ST6GALNAC5: variants seen among roughly 807,000 people sequenced by gnomAD.
The protein encoded by ST6GALNAC5 is ST6 N-acetylgalactosaminide alpha-2,6-sialyltransferase 5, also known as alpha-N-acetylgalactosaminide alpha-2,6-sialyltransferase 5.
A neutral mutation model predicts 33.6 loss-of-function variants in ST6GALNAC5; 27 were observed. The ratio of observed to expected loss-of-function variants is 0.80; its 90% CI spans 0.59 to 1.11. The LOEUF is 1.11. ST6GALNAC5 is among the 50% of genes least tolerant of loss of function. The pLI is 0.00. For missense variants in ST6GALNAC5, 428 were observed against 454.0 expected (o/e 0.94, Z 0.52); for synonymous variants, 194 against 171.2 (o/e 1.13, Z -1.04).
chr1:76,921,426 A>G (rs1188007945), intron 2 of ST6GALNAC5, among the ~76,000 whole-genome samples: 1 of 152,200 alleles, frequency 6.6e-6, no homozygotes, highest in African/African-American at 2.4e-5. Context: ...TGATTCTTAA[A>G]AACAGTCAGT....
At chr1:76,959,365 CTTT>C (rs982563133) in intron 2 of ST6GALNAC5, among the ~76,000 whole-genome samples, 7 of 152,146 alleles carry the variant, frequency 4.6e-5, no homozygotes, top group African/African-American at 1.7e-4. Context: ...CTTTTTCTCT[CTTT>C]TTGTGGTTTG....
intron 2 of ST6GALNAC5, among the ~76,000 whole-genome samples, chr1:76,874,378 A>T (rs1653578412): frequency 6.6e-6 from 1 of 152,152 alleles, no homozygotes. Context: ...GCTAAATCTC[A>T]TAATTCATTG....
intron 2 of ST6GALNAC5, among the ~76,000 whole-genome samples, chr1:76,916,465 A>C (rs1646976314): frequency 1.3e-5 from 2 of 152,050 alleles, no homozygotes; most frequent in South Asian, 4.1e-4. Flanking sequence ...TGATCAAAAA[A>C]TTTTCTCCTC....
intron 2 of ST6GALNAC5, among the ~76,000 whole-genome samples, chr1:76,877,045 T>C (rs1384835159): frequency 1.3e-5 from 2 of 152,222 alleles, no homozygotes; most frequent in African/African-American, 2.4e-5. Flanking sequence ...CAAAACCCGC[T>C]TTTTGGCTGG....
Position 76,978,519 on chromosome 1 carries a change from T to G in ST6GALNAC5, c.262-65685T>G, listed in dbSNP as rs374853852. Among the ~76,000 whole-genome samples, 22 of 152,252 alleles carry G rather than the reference T, an allele frequency of 1.4e-4. No homozygotes were observed. The East Asian group carries it at 3.7e-3, about 25-fold the overall frequency. ...TACATCACATTAACATAACCAAGAA[T>G]AAAAACTCTATGATCATTTTAATAG... is the stretch of plus-strand genomic sequence containing the variant. On this transcript the variant is annotated intron_variant, in intron 2 of 4. Coordinates refer to ENST00000477717, the MANE Select transcript of ST6GALNAC5 (RefSeq NM_030965.3).
At chr1:76,908,449 C>T (rs1646883993) in intron 2 of ST6GALNAC5, among the ~76,000 whole-genome samples, 1 of 152,184 alleles carries the variant, frequency 6.6e-6, no homozygotes, top group South Asian at 2.1e-4. Context: ...GGCCTCACCT[C>T]ATAACCTTAT....
chr1:77,051,861 T>A (rs556500975), intron 4 of ST6GALNAC5, among the ~76,000 whole-genome samples: 2 of 152,236 alleles, frequency 1.3e-5, no homozygotes, highest in Non-Finnish European at 1.5e-5. Context: ...AATTATGCAA[T>A]ATTGCCATTA....
At chr1:76,998,648 T>C (rs933101678) in intron 2 of ST6GALNAC5, among the ~76,000 whole-genome samples, 3 of 152,154 alleles carry the variant, frequency 2.0e-5, no homozygotes, top group African/African-American at 7.2e-5. Context: ...TTATTAGAAC[T>C]TACATTTTTT....
chr1:76,957,015 T>A (rs1450802722), intron 2 of ST6GALNAC5, among the ~76,000 whole-genome samples: 1 of 152,198 alleles, frequency 6.6e-6, no homozygotes, highest in Admixed American at 6.5e-5. Flanking sequence ...TTTACCCAAC[T>A]TGTAATTTTG....
At chr1:76,989,013 C>G (rs1333288355) in intron 2 of ST6GALNAC5, among the ~76,000 whole-genome samples, 1 of 152,092 alleles carries the variant, frequency 6.6e-6, no homozygotes, top group Non-Finnish European at 1.5e-5. Flanking sequence ...ATCTGGTATT[C>G]AGAGTTGCTG....
intron 2 of ST6GALNAC5, among the ~76,000 whole-genome samples, chr1:77,015,050 AACACACACACACACAC>A (rs5775372): frequency 8.2e-6 from 1 of 122,502 alleles, no homozygotes; most frequent in Admixed American, 7.8e-5. Flanking sequence ...CTCGCACACA[AACACACACACACACAC>A]ACACACACAC....
chr1:76,993,828 C>T (rs1221796882), intron 2 of ST6GALNAC5, among the ~76,000 whole-genome samples: 1 of 151,996 alleles, frequency 6.6e-6, no homozygotes, highest in Non-Finnish European at 1.5e-5. Context: ...AGCCATATTC[C>T]TTCTGTTTTC....
At chr1:76,882,329 A>G (rs528586013) in intron 2 of ST6GALNAC5, among the ~76,000 whole-genome samples, 1 of 152,186 alleles carries the variant, frequency 6.6e-6, no homozygotes, top group Non-Finnish European at 1.5e-5. Context: ...CAGAGCACTC[A>G]TTTAGCTGAA....
chr1:77,005,795 C>A (rs1018669911), intron 2 of ST6GALNAC5, among the ~76,000 whole-genome samples: 7 of 152,188 alleles, frequency 4.6e-5, no homozygotes, highest in Non-Finnish European at 7.3e-5. Flanking sequence ...TACATGAAAT[C>A]ATACAGCGTT....
At chr1:76,946,101 A>C (rs957222573) in intron 2 of ST6GALNAC5, among the ~76,000 whole-genome samples, 18 of 152,140 alleles carry the variant, frequency 1.2e-4, no homozygotes, top group African/African-American at 4.3e-4. Context: ...ACCTTGGCTA[A>C]ATTTTAGAGT....
At chr1:77,005,016 C>T (rs1650339259) in intron 2 of ST6GALNAC5, among the ~76,000 whole-genome samples, 1 of 150,828 alleles carries the variant, frequency 6.6e-6, no homozygotes, top group Admixed American at 6.6e-5. Flanking sequence ...GTGGTGGGCT[C>T]CACCCAGTTC....
chr1:76,897,864 A>G (rs186549798), intron 2 of ST6GALNAC5, among the ~76,000 whole-genome samples: 33 of 152,326 alleles, frequency 2.2e-4, no homozygotes, highest in African/African-American at 7.5e-4. Context: ...AATACCCACA[A>G]CAGTTATAGA....
chr1:76,933,159 G>A (rs925460997), intron 2 of ST6GALNAC5, among the ~76,000 whole-genome samples: 3 of 152,052 alleles, frequency 2.0e-5, no homozygotes, highest in Admixed American at 1.3e-4. Context: ...GAAATTTTGT[G>A]TCTAGGGAAA....
At chr1:77,060,756 G>T (rs991421770) in intron 4 of ST6GALNAC5, among the ~76,000 whole-genome samples, 1 of 152,036 alleles carries the variant, frequency 6.6e-6, no homozygotes, top group Non-Finnish European at 1.5e-5. Context: ...ATCTTTAGCT[G>T]GTTTCCAATT....
Sources: allele counts gnomAD v4.1 joint callset (sites outside exome capture counted in the v4.1 genomes callset), GRCh38; gene constraint gnomAD v4.1.1; transcripts MANE v1.5; gene names NCBI Gene and HGNC (gene_info 2026-07-23, HGNC 2026-07-21).